KCNJ9: variants seen among roughly 807,000 people sequenced by gnomAD.
KCNJ9 encodes the protein G protein-activated inward rectifier potassium channel 3.
A neutral mutation model predicts 27.9 loss-of-function variants in KCNJ9; 18 were observed. The observed-to-expected ratio is 0.65, with a 90% CI of 0.45 to 0.96. The LOEUF (loss-of-function observed/expected upper bound fraction) is 0.96, where lower values mean the gene tolerates loss of function less well. KCNJ9 is among the 40% of genes least tolerant of loss of function. The pLI is 0.00. For missense variants in KCNJ9, 324 were observed against 557.5 expected, an observed-to-expected ratio of 0.58 and a Z score of 4.22; for synonymous variants, 229 against 248.2, an observed-to-expected ratio of 0.92 and a Z score of 0.73.
rs568312279 is a variant in KCNJ9 at position 160,089,164 on chromosome 1, G to C, written c.*1347G>C. On this transcript the variant is annotated 3_prime_UTR_variant, in exon 3 of 3. Transcript: ENST00000368088. Reference sequence around the variant, plus strand: ...AACCTGTGCTCTAAGTGAATACTTGGAAGTCGTTTCAGGACATGGGGCATA... The same window carrying C: ...AACCTGTGCTCTAAGTGAATACTTGCAAGTCGTTTCAGGACATGGGGCATA... 3 of 152,444 alleles carry C rather than the reference G, an allele frequency of 2.0e-5. No homozygotes were observed. The East Asian group carries it at 5.8e-4, about 29-fold the overall frequency. The allele number at this position is 152,444 out of a possible 1,614,324, so 9.4% of individuals were successfully genotyped here.
Position 160,087,892 on chromosome 1 carries a change from TGGAGGA to T in KCNJ9, c.*91_*96del, listed in dbSNP as rs560898869. 15 of 1,309,440 alleles carry T rather than the reference TGGAGGA, an allele frequency of 1.1e-5. No homozygotes were observed. In the East Asian group the frequency reaches 1.4e-4, roughly 12 times the overall value. The allele number at this position is 1,309,440 out of a possible 1,614,324, so 81.1% of individuals were successfully genotyped here. On this transcript the variant is annotated 3_prime_UTR_variant, in exon 3 of 3. Coordinates refer to ENST00000368088, the MANE Select transcript of KCNJ9 (RefSeq NM_004983.3). ...ATGGGGAACTGCATATCGGAGGTGG[TGGAGGA>T]GGAGGAGGAGGAGGAAGGCAAAGCC...
chr1:160,087,347 G>GA, intron 2 of KCNJ9, 139 bp from the exon 3 acceptor site: 1 of 1,295,434 alleles, frequency 7.7e-7, no homozygotes, highest in Non-Finnish European at 9.9e-7. Flanking sequence ...GGGAGGGGGG[G>GA]AAATGGACTG....
chr1:160,083,489 A>G (rs1001643051), intron 1 of KCNJ9, among the ~76,000 whole-genome samples: 2 of 152,054 alleles, frequency 1.3e-5, no homozygotes, highest in Admixed American at 1.3e-4. Context: ...TGGGGAAGGG[A>G]TGGTGGAAGT....
rs1557982398 is a variant in KCNJ9, at chr1:160,089,689, C to A, written c.*1872C>A. 1 of 152,328 alleles carries A rather than the reference C, an allele frequency of 6.6e-6. No individual in the cohort carries two copies. Among genetic ancestry groups the A allele is most frequent in the East Asian group, 1.9e-4 (1 of 5,196 alleles). 9.4% of individuals were successfully genotyped at this position (152,328 alleles called of 1,614,324 possible). On this transcript the variant is annotated 3_prime_UTR_variant, in exon 3 of 3. Coordinates refer to ENST00000368088, the MANE Select transcript of KCNJ9 (RefSeq NM_004983.3). The stretch of plus-strand genomic sequence containing the variant: ...ACATCCCAGTCACCAGCGGCAGCTT[C>A]CTGGATAGTGAGGGAGAACAACTGC...
intron 1 of KCNJ9, among the ~76,000 whole-genome samples, chr1:160,082,561 C>T (rs1255768489): frequency 6.6e-6 from 1 of 152,184 alleles, no homozygotes; most frequent in Admixed American, 6.5e-5. Flanking sequence ...CACCCCAGAA[C>T]ATAAGATGCT....
chr1:160,087,867 A>G lies in KCNJ9; in HGVS notation c.*50A>G, dbSNP rs756391921. On this transcript the variant is annotated 3_prime_UTR_variant, in exon 3 of 3. Coordinates refer to ENST00000368088, the MANE Select transcript of KCNJ9 (RefSeq NM_004983.3). ...CAGACCGGGGGCCAGACACAGATAC[A>G]TGGGGAACTGCATATCGGAGGTGGT... 6 of 1,409,074 alleles carry G rather than the reference A, an allele frequency of 4.3e-6. No homozygotes were observed. Among genetic ancestry groups the G allele is most frequent in the Non-Finnish European group, 1.9e-6 (2 of 1,077,966 alleles). 87.3% of individuals were successfully genotyped at this position (1,409,074 alleles called of 1,614,324 possible).
intron 1 of KCNJ9, among the ~76,000 whole-genome samples, chr1:160,082,406 C>T (rs560678756): frequency 2.0e-5 from 3 of 152,282 alleles, no homozygotes; most frequent in East Asian, 3.9e-4. Flanking sequence ...GACCCTGTGT[C>T]CCCTGACTCC....
chr1:160,090,527 C>T lies in KCNJ9; in HGVS notation c.*2710C>T, dbSNP rs1464682815. 6 of 152,268 alleles carry T rather than the reference C, an allele frequency of 3.9e-5. No individual in the cohort carries two copies. Among genetic ancestry groups the T allele is most frequent in the African/African-American group, 1.4e-4 (6 of 41,434 alleles). 9.4% of individuals were successfully genotyped at this position (152,268 alleles called of 1,614,324 possible). ...CCTCATCTGTAAAAATGACAGCAAA[C>T]TCGTAATGCTCAATAAATGTTTAAA... On this transcript the variant is annotated 3_prime_UTR_variant, in exon 3 of 3. Coordinates refer to ENST00000368088, the MANE Select transcript of KCNJ9 (RefSeq NM_004983.3).
In KCNJ9 at chr1:160,084,440, T is replaced by C. The variant is rs764995891; in HGVS notation, c.410T>C (p.Val137Ala). The change falls in exon 2 of 3, where the codon GTG becomes GCG. Residue 137 changes from valine (V) to alanine (A), a missense_variant. Physicochemically the swap from Val to Ala is moderately conservative, Grantham distance 64. Coordinates refer to ENST00000368088, the MANE Select transcript of KCNJ9 (RefSeq NM_004983.3). ...VITDQCPEGI[V>A]LLLLQAILGS... Reference sequence around the variant, plus strand: ...ACCGACCAGTGCCCCGAGGGCATCGTGCTGCTGCTGCTGCAGGCCATCCTG... The same window carrying C: ...ACCGACCAGTGCCCCGAGGGCATCGCGCTGCTGCTGCTGCAGGCCATCCTG... 2.0e-5 allele frequency: 32 copies of C among 1,612,058 alleles called. No individual in the cohort carries two copies. Among genetic ancestry groups the C allele is most frequent in the Non-Finnish European group, 1.7e-6 (2 of 1,179,046 alleles).
chr1:160,087,365 G>C, intron 2 of KCNJ9, 121 bp from the exon 3 acceptor site: 1 of 1,371,536 alleles, frequency 7.3e-7, no homozygotes, highest in South Asian at 1.7e-5. Context: ...CTGGACCAAA[G>C]GGAGGTGGGA....
intron 2 of KCNJ9, among the ~76,000 whole-genome samples, chr1:160,086,444 G>C (rs946503824): frequency 6.6e-6 from 1 of 152,158 alleles, no homozygotes; most frequent in African/African-American, 2.4e-5. Flanking sequence ...TTTCTAGAGA[G>C]ATAAAGCTGG....
At chr1:160,085,694 G>A (rs1649764454) in intron 2 of KCNJ9, among the ~76,000 whole-genome samples, 2 of 152,192 alleles carry the variant, frequency 1.3e-5, no homozygotes, top group Non-Finnish European at 2.9e-5. Flanking sequence ...GGTGAAAAAA[G>A]ACCAGTGTTA....
chr1:160,086,676 G>A (rs1208569300), intron 2 of KCNJ9, among the ~76,000 whole-genome samples: 1 of 152,234 alleles, frequency 6.6e-6, no homozygotes, highest in Non-Finnish European at 1.5e-5. Context: ...TCGTAGCAAT[G>A]TGATGCAGCC....
At position 160,087,472 on chromosome 1, in the gene KCNJ9, G is replaced by T; in HGVS notation, c.851-14G>T. 1.3e-6 allele frequency: 2 copies of T among 1,581,360 alleles called. No individual in the cohort carries two copies. Among genetic ancestry groups the T allele is most frequent in the Non-Finnish European group, 1.7e-6 (2 of 1,160,696 alleles). ...GGAGCTGAGATTCCCCCTGACCGGT[G>T]CCCCTCCTCCCAGGAATGACATGCC... On this transcript the variant is annotated splice_polypyrimidine_tract_variant and intron_variant, in intron 2 of 2. Coordinates refer to ENST00000368088, the MANE Select transcript of KCNJ9 (RefSeq NM_004983.3).
chr1:160,083,930 C>T lies in KCNJ9; in HGVS notation c.-101C>T. On this transcript the variant is annotated 5_prime_UTR_variant, in exon 2 of 3. Coordinates refer to ENST00000368088, the MANE Select transcript of KCNJ9 (RefSeq NM_004983.3). ...ACCTTTATTAAGCCCCTCCAGGACC[C>T]CCGACGCCGCCTAGGCGCCCAGCGA... 1.8e-6 allele frequency: 2 copies of T among 1,109,494 alleles called. No individual in the cohort carries two copies. The highest frequency in any genetic ancestry group is 2.2e-6 in the Non-Finnish European group (2 of 891,722). The allele number at this position is 1,109,494 out of a possible 1,614,324, so 68.7% of individuals were successfully genotyped here. A position where few individuals can be genotyped will look rare whatever the true frequency, so the allele number is the denominator to read the frequency against.
chr1:160,085,827 G>GGT (rs1269052571), intron 2 of KCNJ9, among the ~76,000 whole-genome samples: 1 of 152,240 alleles, frequency 6.6e-6, no homozygotes, highest in Non-Finnish European at 1.5e-5. Flanking sequence ...TGACGCCAGA[G>GGT]CTGCTGATGC....
rs1408580708 is a variant in KCNJ9, at chr1:160,089,378, G to A, written c.*1561G>A. The A allele has an allele frequency of 1.3e-5, 2 of 152,392 alleles. No homozygotes were observed. The highest frequency in any genetic ancestry group is 1.3e-4 in the Admixed American group (2 of 15,278). 9.4% of individuals were successfully genotyped at this position (152,392 alleles called of 1,614,324 possible). ...CAATGGAAACAGGGCAGTGACAAGT[G>A]GAGGGGGTGTCTGGAAGCTGAGCAG... On this transcript the variant is annotated 3_prime_UTR_variant, in exon 3 of 3. Coordinates refer to ENST00000368088, the MANE Select transcript of KCNJ9 (RefSeq NM_004983.3).
intron 1 of KCNJ9, among the ~76,000 whole-genome samples, chr1:160,083,665 C>G (rs1649723031): frequency 6.6e-6 from 1 of 152,208 alleles, no homozygotes; most frequent in African/African-American, 2.4e-5. Context: ...ACCAAAATAT[C>G]TGGTACCTCC....
chr1:160,084,405 C>T lies in KCNJ9; in HGVS notation c.375C>T (p.His125=). The T allele has an allele frequency of 6.2e-7, 1 of 1,613,524 alleles. No individual in the cohort carries two copies. Among genetic ancestry groups the T allele is most frequent in the Non-Finnish European group, 8.5e-7 (1 of 1,179,838 alleles). Residue 125 remains histidine, a synonymous_variant, in exon 2 of 3, where the codon CAC becomes CAT. Transcript: ENST00000368088. The stretch of plus-strand genomic sequence containing the variant: ...CCGAGACCACCATCGGCTACGGGCA[C>T]CGCGTCATCACCGACCAGTGCCCCG... ...IETETTIGYG[H]RVITDQCPEG... is the part of the protein sequence containing the mutation.
Sources: gnomAD v4.1 joint callset for allele counts (sites outside exome capture counted in the v4.1 genomes callset) on GRCh38, gnomAD v4.1.1 for gene constraint, MANE v1.5 for transcripts, NCBI Gene and HGNC (gene_info 2026-07-23, HGNC 2026-07-21) for gene names.